The following NCOA3 variants were observed in gnomAD, a reference collection of about 807,000 sequenced individuals.
NCOA3 encodes the protein CBP-interacting protein.
In NCOA3, 51 loss-of-function variants were observed where a neutral mutation model predicts 158.8. The ratio of observed to expected loss-of-function variants is 0.32; its 90% CI spans 0.26 to 0.41. The LOEUF (loss-of-function observed/expected upper bound fraction) is 0.41. NCOA3 is among the 10% of genes least tolerant of loss of function. NCOA3 has a pLI of 1.00. For missense variants in NCOA3, 1,510 were observed against 1,746.6 expected, an observed-to-expected ratio of 0.86 and a Z score of 2.41; for synonymous variants, 537 against 592.4, an observed-to-expected ratio of 0.91 and a Z score of 1.36.
chr20:47,640,200 G>T lies in NCOA3; in HGVS notation c.3080+149G>T, dbSNP rs564915451. The T allele has an allele frequency of 5.8e-6, 6 of 1,031,348 alleles. No individual in the cohort carries two copies. In the South Asian group the frequency reaches 7.5e-5, roughly 13 times the overall value. The allele number at this position is 1,031,348 out of a possible 1,614,324, so 63.9% of individuals were successfully genotyped here. On this transcript the variant is annotated intron_variant, in intron 16 of 22. Coordinates refer to ENST00000371998, the MANE Select transcript of NCOA3 (RefSeq NM_181659.3). ...AGCTGGGCATTTCTCGTGTAACTCT[G>T]TGTAAAAATGAGGCTGAAGCAGTAA...
rs945929179 is a variant in NCOA3, at chr20:47,627,762, A to G, written c.721+13A>G. 3.7e-6 allele frequency: 6 copies of G among 1,610,312 alleles called. No individual in the cohort carries two copies. Among genetic ancestry groups the G allele is most frequent in the Non-Finnish European group, 5.1e-6 (6 of 1,177,878 alleles). ...GAGGAAGGGGAAGGTAAGAGCTATT[A>G]TATGTTTGTGATGTTCATGAAACAA... On this transcript the variant is annotated intron_variant, in intron 7 of 22. Coordinates refer to ENST00000371998, the MANE Select transcript of NCOA3 (RefSeq NM_181659.3).
Position 47,649,117 on chromosome 20 carries a change from T to A in NCOA3, c.3651+8T>A. 1 of 1,595,382 alleles carries A rather than the reference T, an allele frequency of 6.3e-7. No homozygotes were observed. The highest frequency in any genetic ancestry group is 8.6e-7 in the Non-Finnish European group (1 of 1,164,628). On this transcript the variant is annotated splice_region_variant and intron_variant, in intron 19 of 22. Transcript: ENST00000371998. ...CCCCAGGTGAGCTCCCAGGTGAGGA[T>A]GATAAGCCTCTCCACATGCATTGCT...
chr20:47,549,406 A>C (rs974101567), intron 1 of NCOA3, among the ~76,000 whole-genome samples: 2 of 151,594 alleles, frequency 1.3e-5, no homozygotes, highest in Non-Finnish European at 2.9e-5. Context: ...GTTAAAAAAA[A>C]ATTTATCTGG....
At chr20:47,606,348 G>A (rs1004629793) in intron 2 of NCOA3, among the ~76,000 whole-genome samples, 5 of 152,128 alleles carry the variant, frequency 3.3e-5, no homozygotes, top group South Asian at 2.1e-4. Context: ...TTTTCATCCC[G>A]TTGGTGTTTG....
intron 1 of NCOA3, among the ~76,000 whole-genome samples, chr20:47,556,485 A>C (rs905039557): frequency 6.6e-6 from 1 of 152,120 alleles, no homozygotes; most frequent in African/African-American, 2.4e-5. Flanking sequence ...GTGAGAAGGA[A>C]GGGTTAATGT....
At chr20:47,518,420 G>GT (rs35593021) in intron 1 of NCOA3, among the ~76,000 whole-genome samples, 7,709 of 132,802 alleles carry the variant, frequency 0.058, 369 homozygotes, top group African/African-American at 0.12. Flanking sequence ...TTCTTTTTCT[G>GT]TTTTTTTTTT....
intron 2 of NCOA3, among the ~76,000 whole-genome samples, chr20:47,595,355 A>G (rs1038920638): frequency 6.6e-6 from 1 of 151,210 alleles, no homozygotes; most frequent in Non-Finnish European, 1.5e-5. Flanking sequence ...GCCTTGGCCT[A>G]CCAAAGTGTG....
At chr20:47,515,162 T>A (rs972360188) in intron 1 of NCOA3, among the ~76,000 whole-genome samples, 78 of 151,240 alleles carry the variant, frequency 5.2e-4, no homozygotes, top group East Asian at 7.7e-4. Flanking sequence ...TATATATATT[T>A]AAAAAAAATT....
At chr20:47,505,744 G>C (rs1213443390) in intron 1 of NCOA3, among the ~76,000 whole-genome samples, 1 of 151,248 alleles carries the variant, frequency 6.6e-6, no homozygotes, top group Non-Finnish European at 1.5e-5. Flanking sequence ...TATTGGTTTG[G>C]ATTCTCAGGA....
intron 1 of NCOA3, among the ~76,000 whole-genome samples, chr20:47,540,402 C>G (rs556386807): frequency 6.6e-6 from 1 of 151,840 alleles, no homozygotes; most frequent in African/African-American, 2.4e-5. Context: ...AGTGAAACCC[C>G]CCTCTACTAA....
intron 1 of NCOA3, among the ~76,000 whole-genome samples, chr20:47,506,629 T>C (rs946462051): frequency 1.3e-5 from 2 of 152,236 alleles, no homozygotes; most frequent in African/African-American, 4.8e-5. Context: ...TAGTAAACTT[T>C]GTGGCCTAAA....
chr20:47,572,474 A>G lies in NCOA3; in HGVS notation c.-98-10709A>G, dbSNP rs2085309193. On this transcript the variant is annotated intron_variant, in intron 1 of 22. Coordinates refer to ENST00000371998, the MANE Select transcript of NCOA3 (RefSeq NM_181659.3). ...CTTGGCTGTTTGGTGCAAGAGTCCT[A>G]GCTTTCAGCCTCAGCTTTTTGACAT... Among the ~76,000 whole-genome samples the G allele has an allele frequency of 1.3e-5, 2 of 151,840 alleles. 1 individual carries two copies. The highest frequency in any genetic ancestry group is 4.8e-5 in the African/African-American group (2 of 41,344).
chr20:47,569,201 G>A (rs988503773), intron 1 of NCOA3, among the ~76,000 whole-genome samples: 1 of 151,926 alleles, frequency 6.6e-6, no homozygotes, highest in Non-Finnish European at 1.5e-5. Context: ...ACAAAAATTA[G>A]CTGGGCATGG....
At position 47,615,082 on chromosome 20, in the gene NCOA3, A is replaced by G. The variant is rs142667090; in HGVS notation, c.-19-7147A>G. 1.1e-4 allele frequency among the ~76,000 whole-genome samples: 17 copies of G among 152,324 alleles called. No homozygotes were observed. In the East Asian group the frequency reaches 3.3e-3, roughly 29 times the overall value. ...AAAATATTGTAGTTCCAGCTCTGCC[A>G]TCCAGAATCTGTGTGTGCTCTAGTG... On this transcript the variant is annotated intron_variant, in intron 2 of 22. Coordinates refer to ENST00000371998, the MANE Select transcript of NCOA3 (RefSeq NM_181659.3).
chr20:47,639,091 T>C lies in NCOA3; in HGVS notation c.2596T>C (p.Ser866Pro). The C allele has an allele frequency of 6.8e-6, 11 of 1,614,220 alleles. No homozygotes were observed. Among genetic ancestry groups the C allele is most frequent in the Non-Finnish European group, 9.3e-6 (11 of 1,180,030 alleles). ...VSLDSPVSVGSSPPVKNISAF... is the reference protein window; with the variant it reads ...VSLDSPVSVGPSPPVKNISAF... Reference sequence around the variant, plus strand: ...TCTGGATAGCCCTGTTTCTGTTGGCTCAAGTCCTCCAGTAAAAAATATCAG... The same window carrying C: ...TCTGGATAGCCCTGTTTCTGTTGGCCCAAGTCCTCCAGTAAAAAATATCAG... The change falls in exon 14 of 23, where the codon TCA (serine) becomes CCA (proline). Residue 866 changes from serine to proline, a missense_variant. Physicochemically the swap from Ser to Pro is moderately conservative, Grantham distance 74 (BLOSUM62 -1). Transcript: ENST00000371998.
chr20:47,516,873 G>T (rs930876505), intron 1 of NCOA3, among the ~76,000 whole-genome samples: 1 of 148,530 alleles, frequency 6.7e-6, no homozygotes, highest in Non-Finnish European at 1.5e-5. Flanking sequence ...ATTGAGCCAA[G>T]ATCACGCCAC....
chr20:47,546,554 C>T (rs1216046835), intron 1 of NCOA3, among the ~76,000 whole-genome samples: 3 of 145,736 alleles, frequency 2.1e-5, no homozygotes, highest in Admixed American at 1.4e-4. Flanking sequence ...TTTTTAAGAC[C>T]GAATTTCCCT....
At chr20:47,528,763 C>T (rs1252972402) in intron 1 of NCOA3, among the ~76,000 whole-genome samples, 2 of 152,128 alleles carry the variant, frequency 1.3e-5, no homozygotes, top group African/African-American at 2.4e-5. Flanking sequence ...AAGTATCTAC[C>T]TGGACACTTT....
At chr20:47,502,055 AG>A in intron 1 of NCOA3, 36 bp downstream of exon 1, 1 of 398,548 alleles carries the variant, frequency 2.5e-6, no homozygotes, top group Non-Finnish European at 4.4e-6. Flanking sequence ...GTGGCGGGCG[AG>A]GGGGTGGAGT....
Sources: gnomAD v4.1 joint callset for allele counts (sites outside exome capture counted in the v4.1 genomes callset) on GRCh38, gnomAD v4.1.1 for gene constraint, MANE v1.5 for transcripts, NCBI Gene and HGNC (gene_info 2026-07-23, HGNC 2026-07-21) for gene names.